The following BRSK2 variants were observed in gnomAD, a reference collection of about 807,000 sequenced individuals.
BRSK2 encodes the protein serine/threonine-protein kinase BRSK2.
BRSK2 carries 19 observed loss-of-function variants against 83.3 expected under a neutral mutation model. That is an observed-to-expected ratio of 0.23 (90% CI 0.16 to 0.33). The LOEUF is 0.33. Ranked by LOEUF, BRSK2 falls within the 10% of genes least tolerant of loss-of-function variation. BRSK2 has a pLI of 1.00. For missense variants in BRSK2, 798 were observed against 1,042.3 expected (o/e 0.77, Z 3.23); for synonymous variants, 519 against 435.4 (o/e 1.19, Z -2.39).
chr11:1,456,871 G>A (rs1239609409), intron 18 of BRSK2, 184 bp downstream of exon 18: 1 of 1,487,148 alleles, frequency 6.7e-7, no homozygotes, highest in Non-Finnish European at 9.1e-7. Context: ...CCCTGGCCTG[G>A]CGGGACCACC....
At chr11:1,399,468 C>A (rs892692456) in intron 1 of BRSK2, among the ~76,000 whole-genome samples, 4 of 152,204 alleles carry the variant, frequency 2.6e-5, no homozygotes, top group African/African-American at 9.6e-5. Flanking sequence ...TGCCTTCCCC[C>A]AGCCGATGGG....
intron 1 of BRSK2, among the ~76,000 whole-genome samples, chr11:1,408,968 G>A (rs1048920190): frequency 8.6e-5 from 10 of 115,716 alleles, no homozygotes; most frequent in Admixed American, 7.2e-4. Flanking sequence ...GCCTGTGCAG[G>A]TGTGTGTGTG....
chr11:1,406,983 A>G (rs1217393523), intron 1 of BRSK2, among the ~76,000 whole-genome samples: 1 of 152,128 alleles, frequency 6.6e-6, no homozygotes, highest in Admixed American at 6.5e-5. Context: ...GTGTGTGCGC[A>G]TGTGTGTGGT....
chr11:1,458,279 C>T (rs934155683), intron 18 of BRSK2, among the ~76,000 whole-genome samples: 4 of 152,128 alleles, frequency 2.6e-5, no homozygotes, highest in Non-Finnish European at 5.9e-5. Flanking sequence ...CCTGTCAGCA[C>T]GCAGCACTCC....
intron 19 of BRSK2, among the ~76,000 whole-genome samples, chr11:1,459,888 G>C (rs994202472): frequency 6.6e-6 from 1 of 152,156 alleles, no homozygotes; most frequent in Non-Finnish European, 1.5e-5. Context: ...CTGTGTCCAA[G>C]CTGGCCAGGG....
In BRSK2 at chr11:1,445,038, G is replaced by A; in HGVS notation, c.812+36G>A. The A allele has an allele frequency of 1.9e-6, 3 of 1,605,436 alleles. No individual in the cohort carries two copies. The South Asian group carries it at 3.3e-5, about 18-fold the overall frequency. On this transcript the variant is annotated intron_variant, in intron 9 of 19. Transcript: ENST00000528841. ...TTTCCACCCACTAATCGCCTGCTTT[G>A]CCTGTTGCTGTGGCCTGGAGGCCCT... is the stretch of plus-strand genomic sequence containing the variant.
chr11:1,411,439 G>A (rs377633654), intron 1 of BRSK2: 68 of 1,466,738 alleles, frequency 4.6e-5, no homozygotes, highest in African/African-American at 8.8e-5. Flanking sequence ...CGATGGGCAC[G>A]TCCCCGCCGG....
chr11:1,459,768 G>A (rs1847175740), intron 19 of BRSK2, among the ~76,000 whole-genome samples: 2 of 152,316 alleles, frequency 1.3e-5, no homozygotes, highest in African/African-American at 4.8e-5. Flanking sequence ...CCCATCCCAG[G>A]GACCCGGGAC....
chr11:1,420,391 A>G (rs1474891430), intron 1 of BRSK2, among the ~76,000 whole-genome samples: 2 of 152,092 alleles, frequency 1.3e-5, no homozygotes, highest in African/African-American at 4.8e-5. Flanking sequence ...CCTGCCCTGC[A>G]CTCTGGCTAA....
At chr11:1,391,074 C>G (rs1214566137) in intron 1 of BRSK2, among the ~76,000 whole-genome samples, 2 of 152,212 alleles carry the variant, frequency 1.3e-5, no homozygotes, top group South Asian at 2.1e-4. Context: ...CCGGTGGGGC[C>G]TGGCTGTCAT....
intron 15 of BRSK2, among the ~76,000 whole-genome samples, chr11:1,451,751 T>C (rs1030974892): frequency 6.6e-6 from 1 of 152,120 alleles, no homozygotes; most frequent in Non-Finnish European, 1.5e-5. Flanking sequence ...CGCTCAGGTC[T>C]CAAGGAGAAA....
At chr11:1,449,247 C>G (rs920809303) in intron 12 of BRSK2, among the ~76,000 whole-genome samples, 3 of 152,200 alleles carry the variant, frequency 2.0e-5, no homozygotes, top group Non-Finnish European at 2.9e-5. Flanking sequence ...CAGCAGCTGC[C>G]CCAGCCTGGC....
Position 1,454,326 on chromosome 11 carries a change from T to A in BRSK2, c.1545-159T>A. ...GGCATATGGGCTAGGGTTAGGGCGT[T>A]GGGGTCAGGGCCATGGGTTCTGGCT... On this transcript the variant is annotated intron_variant, in intron 15 of 19. Transcript: ENST00000528841. The surrounding 1 kb of genome is among the most constrained non-coding windows in gnomAD (Gnocchi z 5.2). The A allele has an allele frequency of 1.2e-6, 1 of 817,852 alleles. No homozygotes were observed. The highest frequency in any genetic ancestry group is 2.1e-5 in the Admixed American group (1 of 47,232). The allele number at this position is 817,852 out of a possible 1,614,324, so 50.7% of individuals were successfully genotyped here.
intron 1 of BRSK2, among the ~76,000 whole-genome samples, chr11:1,428,091 G>T (rs1208102715): frequency 2.0e-5 from 3 of 152,216 alleles, no homozygotes. Flanking sequence ...GGGGCAGCAA[G>T]TGAAAGAAGA....
chr11:1,397,527 G>A (rs1564792040), intron 1 of BRSK2, among the ~76,000 whole-genome samples: 1 of 152,224 alleles, frequency 6.6e-6, no homozygotes, highest in Non-Finnish European at 1.5e-5. Flanking sequence ...CTTCAGTCCC[G>A]GGGCCCACGG....
intron 18 of BRSK2, chr11:1,456,926 C>T (rs1285317872): frequency 1.9e-6 from 3 of 1,593,872 alleles, no homozygotes; most frequent in Non-Finnish European, 2.5e-6. Context: ...AGCCGCACCA[C>T]ACTGAAAGGC....
At chr11:1,393,477 C>T (rs574773154) in intron 1 of BRSK2, among the ~76,000 whole-genome samples, 13 of 152,260 alleles carry the variant, frequency 8.5e-5, no homozygotes, top group African/African-American at 2.2e-4. Flanking sequence ...ATAATGGCCG[C>T]GATAGGGCTC....
chr11:1,399,071 G>A (rs1192661238), intron 1 of BRSK2, among the ~76,000 whole-genome samples: 1 of 152,172 alleles, frequency 6.6e-6, no homozygotes, highest in Non-Finnish European at 1.5e-5. Flanking sequence ...CACAGCACAC[G>A]GGCACCTCCA....
intron 1 of BRSK2, among the ~76,000 whole-genome samples, chr11:1,398,868 CCCTGGAG>C (rs111708537): frequency 1.3e-5 from 2 of 152,242 alleles, no homozygotes; most frequent in African/African-American, 4.8e-5. Context: ...GTGTGGGGCC[CCCTGGAG>C]CCTGGAGCCC....
Sources: gnomAD v4.1 joint callset for allele counts (sites outside exome capture counted in the v4.1 genomes callset) on GRCh38, gnomAD v4.1.1 for gene constraint, Gnocchi (gnomAD v3.1) non-coding constraint, MANE v1.5 for transcripts, NCBI Gene and HGNC (gene_info 2026-07-23, HGNC 2026-07-21) for gene names.